NRXN3: variants seen among roughly 807,000 people sequenced by gnomAD.
NRXN3 encodes the protein neurexin 3.
In NRXN3, 32 loss-of-function variants were observed where a neutral mutation model predicts 137.6. The observed-to-expected ratio is 0.23, with a 90% CI of 0.18 to 0.31. The LOEUF is 0.31. Among genes scored for constraint, NRXN3 ranks in the 10% least tolerant of loss-of-function variants. The pLI is 1.00. For synonymous variants in NRXN3, 798 were observed against 784.5 expected (o/e 1.02, Z -0.29); for missense variants, 1,574 against 2,062.5 (o/e 0.76, Z 4.59).
intron 17 of NRXN3, among the ~76,000 whole-genome samples, chr14:79,684,905 G>A (rs897297702): frequency 1.3e-5 from 2 of 152,116 alleles, no homozygotes; most frequent in Non-Finnish European, 2.9e-5. Context: ...GGGTGGACAC[G>A]TGGGAAGGCC....
Position 79,524,288 on chromosome 14 carries a change from G to C in NRXN3, c.3444+56886G>C, listed in dbSNP as rs79122706. 7.4e-3 allele frequency among the ~76,000 whole-genome samples: 1,130 copies of C among 152,304 alleles called. 9 individuals carry two copies. The highest frequency in any genetic ancestry group is 0.013 in the Non-Finnish European group (865 of 68,028). On this transcript the variant is annotated intron_variant, in intron 16 of 20. Transcript: ENST00000335750. ...ATTTCTAAGACAACCAGTGAAGCTT[G>C]AGGCCTTTTCTCCAGAACTATACAA...
At chr14:79,420,208 A>G (rs1033476575) in intron 15 of NRXN3, among the ~76,000 whole-genome samples, 1 of 152,160 alleles carries the variant, frequency 6.6e-6, no homozygotes, top group African/African-American at 2.4e-5. Flanking sequence ...TATGTGAGGT[A>G]GGTATAATTA....
At chr14:79,430,433 A>G (rs1255073829) in intron 15 of NRXN3, among the ~76,000 whole-genome samples, 1 of 152,174 alleles carries the variant, frequency 6.6e-6, no homozygotes, top group Non-Finnish European at 1.5e-5. Flanking sequence ...TGCAAATGGT[A>G]GTTGCACACC....
intron 16 of NRXN3, among the ~76,000 whole-genome samples, chr14:79,560,671 T>C (rs547981665): frequency 1.1e-3 from 161 of 151,798 alleles, no homozygotes; most frequent in Non-Finnish European, 1.8e-3. Context: ...CCTCCACGCC[T>C]GGGATTACAA....
chr14:78,506,319 G>C (rs536798182), intron 4 of NRXN3, among the ~76,000 whole-genome samples: 1 of 152,136 alleles, frequency 6.6e-6, no homozygotes, highest in Non-Finnish European at 1.5e-5. Context: ...CTAAATAATA[G>C]TCATGCTTGG....
chr14:78,755,401 G>A (rs1289592147), intron 8 of NRXN3, among the ~76,000 whole-genome samples: 1 of 152,020 alleles, frequency 6.6e-6, no homozygotes, highest in African/African-American at 2.4e-5. Flanking sequence ...CTGAGTTGTT[G>A]TTGATTCTCT....
At position 79,415,016 on chromosome 14, in the gene NRXN3, T is replaced by C. The variant is rs72690712; in HGVS notation, c.3263-52205T>C. On this transcript the variant is annotated intron_variant, in intron 15 of 20. Transcript: ENST00000335750. ...GCATAATGTCCTCTAGGTTTATCCA[T>C]GTTTTTGCAAATATCAGAATACCCT... Among the ~76,000 whole-genome samples the C allele has an allele frequency of 4.4e-3, 667 of 152,272 alleles. 5 individuals are homozygous for C. Among genetic ancestry groups the C allele is most frequent in the Non-Finnish European group, 7.5e-3 (511 of 68,012 alleles).
At chr14:78,760,058 T>TTTTTA (rs2098686941) in intron 8 of NRXN3, among the ~76,000 whole-genome samples, 2 of 147,160 alleles carry the variant, frequency 1.4e-5, no homozygotes, top group South Asian at 2.2e-4. Flanking sequence ...TTTTTTTTTT[T>TTTTTA]GAGACGGAGT....
At chr14:78,312,398 C>A (rs2078075774) in intron 4 of NRXN3, among the ~76,000 whole-genome samples, 1 of 152,100 alleles carries the variant, frequency 6.6e-6, no homozygotes, top group Non-Finnish European at 1.5e-5. Context: ...ATAACTTTTT[C>A]TTTCTTGCTG....
At chr14:78,781,664 A>ATCT (rs1227686274) in intron 8 of NRXN3, among the ~76,000 whole-genome samples, 4 of 152,232 alleles carry the variant, frequency 2.6e-5, no homozygotes, top group African/African-American at 9.6e-5. Flanking sequence ...TAAATTCTAA[A>ATCT]ATATCAAGGC....
intron 6 of NRXN3, among the ~76,000 whole-genome samples, chr14:78,680,296 G>C (rs2098060816): frequency 6.6e-6 from 1 of 152,072 alleles, no homozygotes; most frequent in African/African-American, 2.4e-5. Context: ...AATACTTGGT[G>C]ATGAAATAAT....
intron 15 of NRXN3, among the ~76,000 whole-genome samples, chr14:79,402,267 C>G (rs1246864709): frequency 6.6e-6 from 1 of 152,062 alleles, no homozygotes; most frequent in Admixed American, 6.6e-5. Flanking sequence ...CAGTTACTCT[C>G]TCATTCACTT....
intron 16 of NRXN3, among the ~76,000 whole-genome samples, chr14:79,658,848 A>G (rs990328864): frequency 6.6e-6 from 1 of 152,170 alleles, no homozygotes; most frequent in South Asian, 2.1e-4. Context: ...CCTGGCATAC[A>G]TTTGAAAATC....
intron 15 of NRXN3, among the ~76,000 whole-genome samples, chr14:79,102,147 C>T (rs2051443042): frequency 6.6e-6 from 1 of 152,100 alleles, no homozygotes; most frequent in African/African-American, 2.4e-5. Context: ...TTGTTTTAAA[C>T]CACCCAGTTT....
intron 4 of NRXN3, among the ~76,000 whole-genome samples, chr14:78,366,491 C>T (rs1175600039): frequency 6.6e-6 from 1 of 152,130 alleles, no homozygotes; most frequent in East Asian, 1.9e-4. Flanking sequence ...CCCATAATTC[C>T]ACTATTCAGA....
At chr14:78,581,622 T>G (rs907518016) in intron 4 of NRXN3, among the ~76,000 whole-genome samples, 1 of 152,254 alleles carries the variant, frequency 6.6e-6, no homozygotes, top group Admixed American at 6.5e-5. Context: ...CTTTTTTGTC[T>G]TGTATATATT....
intron 15 of NRXN3, among the ~76,000 whole-genome samples, chr14:79,190,757 A>G (rs990583756): frequency 6.6e-6 from 1 of 152,194 alleles, no homozygotes; most frequent in Non-Finnish European, 1.5e-5. Context: ...GAAAAGGGAA[A>G]CTTGATCTGG....
At chr14:78,835,332 C>T (rs2098993572) in intron 10 of NRXN3, among the ~76,000 whole-genome samples, 1 of 152,188 alleles carries the variant, frequency 6.6e-6, no homozygotes. Flanking sequence ...CCAGCTGCTC[C>T]TGCAGTTGGT....
intron 3 of NRXN3, chr14:78,283,335 G>T (rs1261670777): frequency 6.6e-6 from 1 of 152,192 alleles, no homozygotes; most frequent in East Asian, 1.9e-4. Flanking sequence ...GCCTGGTTTT[G>T]TATGGCTTGA....
Sources: gnomAD v4.1 joint callset for allele counts (sites outside exome capture counted in the v4.1 genomes callset) on GRCh38, gnomAD v4.1.1 for gene constraint, MANE v1.5 for transcripts, NCBI Gene and HGNC (gene_info 2026-07-23, HGNC 2026-07-21) for gene names.